The following BCL11A variants were observed in gnomAD, a reference collection of about 807,000 sequenced individuals.
BCL11A encodes BCL11 transcription factor A.
BCL11A carries 2 observed loss-of-function variants against 55.9 expected under a neutral mutation model. The ratio of observed to expected loss-of-function variants is 0.04; its 90% CI spans 0.01 to 0.11. The LOEUF is 0.11. BCL11A is among the 10% of genes least tolerant of loss of function. BCL11A has a pLI of 1.00. For synonymous variants in BCL11A, 465 were observed against 473.4 expected (o/e 0.98, Z 0.23); for missense variants, 817 against 1,137.1 (o/e 0.72, Z 4.05).
At chr2:60,541,174 A>G (rs930097422) in intron 2 of BCL11A, among the ~76,000 whole-genome samples, 1 of 152,206 alleles carries the variant, frequency 6.6e-6, no homozygotes, top group African/African-American at 2.4e-5. Context: ...CAATCTCCAC[A>G]TCACACACAG....
intron 1 of BCL11A, chr2:60,550,731 C>A: frequency 2.5e-6 from 1 of 397,920 alleles, no homozygotes; most frequent in Non-Finnish European, 4.4e-6. Flanking sequence ...CAAGATGGAC[C>A]CAGGAGGGAG....
At chr2:60,553,756 G>T (rs909798935), upstream of BCL11A, 1 of 140,134 alleles carries the variant, frequency 7.1e-6, no homozygotes, top group African/African-American at 2.6e-5. Flanking sequence ...AAAGAGACCA[G>T]GACAAGCCAA....
chr2:60,454,112 T>C (rs1264139283), downstream of BCL11A, among the ~76,000 whole-genome samples: 1 of 152,046 alleles, frequency 6.6e-6, no homozygotes, highest in East Asian at 1.9e-4. Flanking sequence ...GTGCTGTATG[T>C]AGTAAATTAA....
chr2:60,494,729 G>A (rs768488128), intron 2 of BCL11A, among the ~76,000 whole-genome samples: 3 of 152,180 alleles, frequency 2.0e-5, no homozygotes, highest in Non-Finnish European at 4.4e-5. Context: ...AAATGAGTGC[G>A]TATTTGTAAA....
At chr2:60,538,609 A>T (rs1411667990) in intron 2 of BCL11A, 2 of 152,202 alleles carry the variant, frequency 1.3e-5, no homozygotes, top group Non-Finnish European at 2.9e-5. Context: ...TGGACTCAAA[A>T]ATATAATGGT....
chr2:60,516,574 G>A (rs1320331195), intron 2 of BCL11A, among the ~76,000 whole-genome samples: 1 of 152,216 alleles, frequency 6.6e-6, no homozygotes, highest in Non-Finnish European at 1.5e-5. Context: ...AGGAAGTCAG[G>A]GAACTCGTGT....
chr2:60,500,398 G>C (rs1460659520), intron 2 of BCL11A, among the ~76,000 whole-genome samples: 1 of 152,232 alleles, frequency 6.6e-6, no homozygotes, highest in African/African-American at 2.4e-5. Context: ...TGGGCTGACA[G>C]ATGTGCCTTC....
chr2:60,551,251 C>T (rs1212502448), intron 1 of BCL11A, among the ~76,000 whole-genome samples: 2 of 152,244 alleles, frequency 1.3e-5, no homozygotes, highest in African/African-American at 2.4e-5. Flanking sequence ...CCTTTCCAGG[C>T]GCAGTCAGCG....
In BCL11A at chr2:60,510,637, T is replaced by C. The variant is rs533845830; in HGVS notation, c.385+35334A>G. ...GGGTGCCACAAGAGCAGGGAGTTTTTAAGGCTTTCTATGCCCAACACCAAG... is the reference window on the plus strand; with the variant it reads ...GGGTGCCACAAGAGCAGGGAGTTTTCAAGGCTTTCTATGCCCAACACCAAG... On this transcript the variant is annotated intron_variant, in intron 2 of 3. Transcript: ENST00000642384. Among the ~76,000 whole-genome samples, 136 of 152,346 alleles carry C rather than the reference T, an allele frequency of 8.9e-4. 2 individuals carry two copies. In the South Asian group the frequency reaches 0.028, roughly 31 times the overall value.
rs13386854 is a variant in BCL11A, at chr2:60,483,153, T to C, written c.386-14320A>G. ...GATAGTGTGGGTAGTTGGAGGAGAA[T>C]CAACACAGGCGAGAGAAGTGTTGCT... On this transcript the variant is annotated intron_variant, in intron 2 of 3. Transcript: ENST00000642384. 9.9e-3 allele frequency among the ~76,000 whole-genome samples: 1,510 copies of C among 152,262 alleles called. 16 individuals carry two copies. The highest frequency in any genetic ancestry group is 0.034 in the African/African-American group (1,423 of 41,530).
At chr2:60,521,883 A>G (rs887520647) in intron 2 of BCL11A, among the ~76,000 whole-genome samples, 5 of 152,170 alleles carry the variant, frequency 3.3e-5, no homozygotes, top group Non-Finnish European at 7.3e-5. Context: ...CATGCACTGA[A>G]AAAGACAAGG....
chr2:60,464,621 AC>A (rs1676498627), intron 3 of BCL11A, among the ~76,000 whole-genome samples: 1 of 152,262 alleles, frequency 6.6e-6, no homozygotes, highest in Non-Finnish European at 1.5e-5. Context: ...GAAATCCAGG[AC>A]TAGACTCATA....
intron 2 of BCL11A, among the ~76,000 whole-genome samples, chr2:60,482,766 A>T (rs902248182): frequency 1.3e-5 from 2 of 152,234 alleles, no homozygotes; most frequent in Non-Finnish European, 2.9e-5. Flanking sequence ...TTAGTACCAC[A>T]CTACATTTAA....
chr2:60,504,315 C>A (rs1171394322), intron 2 of BCL11A, among the ~76,000 whole-genome samples: 1 of 152,162 alleles, frequency 6.6e-6, no homozygotes, highest in Non-Finnish European at 1.5e-5. Flanking sequence ...TGGGTCCACC[C>A]TTCCTTTCTT....
chr2:60,485,398 G>C (rs1268809321), intron 2 of BCL11A, among the ~76,000 whole-genome samples: 1 of 152,242 alleles, frequency 6.6e-6, no homozygotes, highest in Non-Finnish European at 1.5e-5. Flanking sequence ...CCATGTTGCT[G>C]TCATCTTCGT....
intron 3 of BCL11A, 100 bp from the exon 4 acceptor site, chr2:60,462,524 C>T: frequency 6.7e-7 from 1 of 1,493,892 alleles, no homozygotes; most frequent in Non-Finnish European, 8.9e-7. Flanking sequence ...TGCCCCCACC[C>T]CTCAACCCCA....
At chr2:60,474,344 C>T (rs1274463615) in intron 2 of BCL11A, among the ~76,000 whole-genome samples, 2 of 151,914 alleles carry the variant, frequency 1.3e-5, no homozygotes, top group East Asian at 3.9e-4. Flanking sequence ...TGAAAAGCAA[C>T]TAAGCCAAAG....
chr2:60,514,606 T>G (rs1668646041), intron 2 of BCL11A, among the ~76,000 whole-genome samples: 1 of 148,802 alleles, frequency 6.7e-6, no homozygotes, highest in East Asian at 2.0e-4. Context: ...AGGCGGAGGC[T>G]GCAATGAGCC....
intron 2 of BCL11A, among the ~76,000 whole-genome samples, chr2:60,490,524 T>G (rs1039499180): frequency 3.3e-5 from 5 of 152,240 alleles, no homozygotes; most frequent in African/African-American, 1.2e-4. Context: ...GGAATCCTGC[T>G]CATACTTCAA....
Sources: gnomAD v4.1 joint callset for allele counts (sites outside exome capture counted in the v4.1 genomes callset) on GRCh38, gnomAD v4.1.1 for gene constraint, MANE v1.5 for transcripts, NCBI Gene and HGNC (gene_info 2026-07-23, HGNC 2026-07-21) for gene names.